MMP16: variants seen among roughly 807,000 people sequenced by gnomAD.
The protein encoded by MMP16 is matrix metallopeptidase 16.
Under a neutral mutation model 67.8 loss-of-function variants are expected in MMP16, and 12 were observed. The ratio of observed to expected loss-of-function variants is 0.18; its 90% CI spans 0.11 to 0.29. The LOEUF (loss-of-function observed/expected upper bound fraction) is 0.29, where lower values mean the gene tolerates loss of function less well. Among genes scored for constraint, MMP16 ranks in the 10% least tolerant of loss-of-function variants. MMP16 has a pLI of 1.00. For synonymous variants in MMP16, 249 were observed against 255.9 expected (o/e 0.97, Z 0.26); for missense variants, 475 against 765.7 (o/e 0.62, Z 4.48).
chr8:88,114,850 T>C (rs1362409503), intron 6 of MMP16, among the ~76,000 whole-genome samples: 2 of 151,956 alleles, frequency 1.3e-5, no homozygotes, highest in African/African-American at 2.4e-5. Context: ...TGTTTTGATA[T>C]TGGAAATAGC....
intron 1 of MMP16, among the ~76,000 whole-genome samples, chr8:88,311,776 G>A (rs913175743): frequency 2.0e-5 from 3 of 152,084 alleles, no homozygotes; most frequent in Non-Finnish European, 2.9e-5. Context: ...GTGAGCAGAA[G>A]ATGAACTCTG....
chr8:88,281,065 A>T (rs901349425), intron 1 of MMP16, among the ~76,000 whole-genome samples: 3 of 152,228 alleles, frequency 2.0e-5, no homozygotes, highest in Admixed American at 2.0e-4. Context: ...GCAGAAAGTC[A>T]TAAACACAGC....
At position 88,208,749 on chromosome 8, in the gene MMP16, T is replaced by C. The variant is rs544812134; in HGVS notation, c.133-11443A>G. Among the ~76,000 whole-genome samples the C allele has an allele frequency of 1.1e-4, 16 of 150,724 alleles. 1 individual carries two copies. The South Asian group carries it at 3.4e-3, about 32-fold the overall frequency. On this transcript the variant is annotated intron_variant, in intron 1 of 9. Transcript: ENST00000286614. ...CTGGAGAAAACTGTGTACACACATG[T>C]TGTGCATGACTTCACAGGATTTATG...
At chr8:88,077,257 G>T (rs1486020060) in intron 6 of MMP16, among the ~76,000 whole-genome samples, 1 of 152,152 alleles carries the variant, frequency 6.6e-6, no homozygotes, top group Non-Finnish European at 1.5e-5. Flanking sequence ...GAAAGCATCT[G>T]TCACAGTGGA....
At position 88,072,827 on chromosome 8, in the gene MMP16, C is replaced by G. The variant is rs554343501; in HGVS notation, c.1222+1778G>C. Among the ~76,000 whole-genome samples, 105 of 152,202 alleles carry G rather than the reference C, an allele frequency of 6.9e-4. 1 individual carries two copies. The highest frequency in any genetic ancestry group is 1.2e-3 in the Non-Finnish European group (80 of 68,022). ...GGTAATTTCAATTCTTTTACAAATG[C>G]TTTGTGCAAGTTAGAAGGTACTACT... On this transcript the variant is annotated intron_variant, in intron 7 of 9. Coordinates refer to ENST00000286614, the MANE Select transcript of MMP16 (RefSeq NM_005941.5).
intron 4 of MMP16, among the ~76,000 whole-genome samples, chr8:88,156,909 G>A (rs1167424883): frequency 1.3e-5 from 2 of 152,050 alleles, no homozygotes; most frequent in Non-Finnish European, 2.9e-5. Flanking sequence ...AAATATGTAT[G>A]AATTATGATT....
intron 1 of MMP16, among the ~76,000 whole-genome samples, chr8:88,232,374 T>A (rs369074801): frequency 8.5e-5 from 13 of 152,164 alleles, no homozygotes; most frequent in African/African-American, 3.1e-4. Context: ...TTAGATTCTG[T>A]AAAACCGGCA....
intron 7 of MMP16, among the ~76,000 whole-genome samples, chr8:88,067,732 T>C (rs1281383770): frequency 6.6e-6 from 1 of 152,188 alleles, no homozygotes; most frequent in African/African-American, 2.4e-5. Flanking sequence ...TTCATCCATA[T>C]TGTAATGTGA....
At chr8:88,270,858 A>T (rs1477567697) in intron 1 of MMP16, among the ~76,000 whole-genome samples, 3 of 152,200 alleles carry the variant, frequency 2.0e-5, no homozygotes, top group African/African-American at 7.2e-5. Context: ...CAGATCTAGA[A>T]AGAACTGCCT....
intron 4 of MMP16, among the ~76,000 whole-genome samples, chr8:88,119,611 G>T (rs1807785571): frequency 6.6e-6 from 1 of 151,982 alleles, no homozygotes; most frequent in Admixed American, 6.6e-5. Context: ...ACTCTGCAGA[G>T]ATATTTGGTG....
At chr8:88,138,279 T>C (rs937664057) in intron 4 of MMP16, among the ~76,000 whole-genome samples, 1 of 151,986 alleles carries the variant, frequency 6.6e-6, no homozygotes, top group Admixed American at 6.6e-5. Context: ...TCTGGTTACA[T>C]TCTCTTTAAG....
chr8:88,285,738 T>C (rs1224659660), intron 1 of MMP16, among the ~76,000 whole-genome samples: 2 of 152,192 alleles, frequency 1.3e-5, no homozygotes, highest in East Asian at 3.9e-4. Flanking sequence ...TGCAGTAAAA[T>C]ATATACATCA....
intron 1 of MMP16, among the ~76,000 whole-genome samples, chr8:88,248,790 T>TAAAAA (rs11356043): frequency 7.1e-6 from 1 of 140,036 alleles, no homozygotes; most frequent in Non-Finnish European, 1.5e-5. Context: ...TTGGACATAG[T>TAAAAA]AAAAAAAAAA....
chr8:88,046,763 T>G lies in MMP16; in HGVS notation c.1395A>C (p.Glu465Asp). The change falls in exon 9 of 10, where the codon GAA becomes GAC. Residue 465 changes from glutamate to aspartate, a missense_variant. Physicochemically the swap from Glu to Asp is conservative, Grantham distance 45. Transcript: ENST00000286614. ...GATAGCCAGGGTCCATTGTTTTCATTTCTTCACTATATCTCCAATATCTAC... is the reference window on the plus strand; with the variant it reads ...GATAGCCAGGGTCCATTGTTTTCATGTCTTCACTATATCTCCAATATCTAC... ...KGDRYWRYSEEMKTMDPGYPK... is the reference protein window; with the variant it reads ...KGDRYWRYSEDMKTMDPGYPK... The G allele has an allele frequency of 6.2e-7, 1 of 1,607,202 alleles. No individual in the cohort carries two copies. Among genetic ancestry groups the G allele is most frequent in the African/African-American group, 1.3e-5 (1 of 74,730 alleles).
At chr8:88,249,728 TACC>T (rs1304792469) in intron 1 of MMP16, among the ~76,000 whole-genome samples, 2 of 151,972 alleles carry the variant, frequency 1.3e-5, no homozygotes, top group Non-Finnish European at 2.9e-5. Flanking sequence ...CAGGCAAGAC[TACC>T]ACTGGCTGTA....
At chr8:88,253,004 A>C (rs1810249838) in intron 1 of MMP16, among the ~76,000 whole-genome samples, 2 of 152,130 alleles carry the variant, frequency 1.3e-5, no homozygotes, top group African/African-American at 4.8e-5. Context: ...GGAAATAAAA[A>C]GCCTGATAGG....
At chr8:88,244,533 A>G (rs1810081094) in intron 1 of MMP16, among the ~76,000 whole-genome samples, 1 of 152,222 alleles carries the variant, frequency 6.6e-6, no homozygotes, top group African/African-American at 2.4e-5. Context: ...TTTTTAAACT[A>G]ACATGTACTG....
At chr8:88,309,978 T>A (rs1411176265) in intron 1 of MMP16, among the ~76,000 whole-genome samples, 2 of 152,098 alleles carry the variant, frequency 1.3e-5, no homozygotes, top group East Asian at 3.8e-4. Context: ...TGCACCTTTT[T>A]CCTCATCCAC....
chr8:88,072,089 G>A (rs549090566), intron 7 of MMP16, among the ~76,000 whole-genome samples: 1 of 152,142 alleles, frequency 6.6e-6, no homozygotes, highest in Non-Finnish European at 1.5e-5. Flanking sequence ...GGGATCAGCT[G>A]TCAGCAAAGG....
Sources: gnomAD v4.1 joint callset for allele counts (sites outside exome capture counted in the v4.1 genomes callset) on GRCh38, gnomAD v4.1.1 for gene constraint, MANE v1.5 for transcripts, NCBI Gene and HGNC (gene_info 2026-07-23, HGNC 2026-07-21) for gene names.